Variants in NOM1 observed in about 807,000 individuals in gnomAD.
NOM1 encodes the protein nucleolar protein with MIF4G domain 1.
Under a neutral mutation model 73.3 loss-of-function variants are expected in NOM1, and 58 were observed. That is an observed-to-expected ratio of 0.79 (90% CI 0.64 to 0.99). The LOEUF is 0.99. NOM1 is among the 50% of genes least tolerant of loss of function. The probability of loss-of-function intolerance (pLI) is 0.00; values close to 1 mark genes in which losing one functional copy is unlikely to be tolerated. For missense variants in NOM1, 1,226 were observed against 1,131.9 expected, an observed-to-expected ratio of 1.08 and a Z score of -1.19; for synonymous variants, 487 against 446.8, an observed-to-expected ratio of 1.09 and a Z score of -1.14.
rs1371331286 is a variant in NOM1 at position 156,964,035 on chromosome 7, T to G, written c.2033+9T>G. The stretch of plus-strand genomic sequence containing the variant: ...TTTGAAAAGCTTCTGAAGTAAGCAT[T>G]TGTGTGCACATTTTGACCTATTAAT... On this transcript the variant is annotated intron_variant, in intron 7 of 10. Coordinates refer to ENST00000275820, the MANE Select transcript of NOM1 (RefSeq NM_138400.2). 5.6e-6 allele frequency: 9 copies of G among 1,610,382 alleles called. No individual in the cohort carries two copies. The highest frequency in any genetic ancestry group is 3.3e-4 in the Middle Eastern group (2 of 6,058).
intron 3 of NOM1, among the ~76,000 whole-genome samples, chr7:156,955,385 T>A (rs767359006): frequency 1.3e-5 from 2 of 152,198 alleles, no homozygotes; most frequent in Non-Finnish European, 2.9e-5. Context: ...GTGAGGTTGG[T>A]GAACGAATGG....
chr7:156,952,418 A>C, intron 1 of NOM1, 56 bp from the exon 2 acceptor site: 1 of 1,568,598 alleles, frequency 6.4e-7, no homozygotes, highest in South Asian at 1.2e-5. Flanking sequence ...GGCAAAGAAA[A>C]AACACAGGAT....
intron 3 of NOM1, among the ~76,000 whole-genome samples, chr7:156,959,443 T>A (rs1290696195): frequency 2.0e-5 from 3 of 151,852 alleles, no homozygotes; most frequent in Non-Finnish European, 2.9e-5. Context: ...GGTTTCACCG[T>A]GTTAGCCAGG....
At chr7:156,969,393 A>C (rs1234168298) in intron 10 of NOM1, 136 bp from the exon 11 acceptor site, 1 of 819,552 alleles carries the variant, frequency 1.2e-6, no homozygotes, top group Non-Finnish European at 1.9e-6. Context: ...TAATAATAAA[A>C]TATGTTAAGA....
In NOM1 at chr7:156,950,442, T is replaced by C. The variant is rs760194678; in HGVS notation, c.705T>C (p.Ser235=). The C allele has an allele frequency of 3.1e-6, 5 of 1,613,070 alleles. No homozygotes were observed. Among genetic ancestry groups the C allele is most frequent in the Non-Finnish European group, 4.2e-6 (5 of 1,179,784 alleles). ...SGKNSGLYDS[S]GEEEEDAGQT... is the part of the protein sequence containing the mutation. Reference sequence around the variant, plus strand: ...AAAATAGCGGCTTGTACGACAGCAGTGGTGAGGAGGAGGAAGATGCCGGAC... The same window carrying C: ...AAAATAGCGGCTTGTACGACAGCAGCGGTGAGGAGGAGGAAGATGCCGGAC... Residue 235 remains serine, a synonymous_variant, in exon 1 of 11, where the codon AGT becomes AGC. Coordinates refer to ENST00000275820, the MANE Select transcript of NOM1 (RefSeq NM_138400.2).
chr7:156,953,763 C>G (rs190363449), intron 2 of NOM1, among the ~76,000 whole-genome samples: 17 of 152,310 alleles, frequency 1.1e-4, no homozygotes, highest in African/African-American at 4.1e-4. Flanking sequence ...TCTAACAACA[C>G]GTCCTAAGGC....
At chr7:156,964,323 G>A (rs1024769968) in intron 7 of NOM1, 3 of 179,500 alleles carry the variant, frequency 1.7e-5, no homozygotes, top group East Asian at 1.3e-4. Flanking sequence ...TGGAGACTGG[G>A]GAGTTTTGAC....
At chr7:156,965,008 T>G (rs572505557) in intron 7 of NOM1, among the ~76,000 whole-genome samples, 2 of 152,282 alleles carry the variant, frequency 1.3e-5, no homozygotes, top group Non-Finnish European at 2.9e-5. Context: ...TTTCCCATTC[T>G]TATTCCTCAA....
intron 9 of NOM1, among the ~76,000 whole-genome samples, chr7:156,968,330 C>G (rs565949584): frequency 6.6e-6 from 1 of 152,146 alleles, no homozygotes; most frequent in East Asian, 1.9e-4. Flanking sequence ...AGATGCCCCC[C>G]GCCCTGCCCC....
rs750433324 is a variant in NOM1 at position 156,966,288 on chromosome 7, G to A, written c.2052G>A (p.Gln684=). The change falls in exon 8 of 11, where the codon CAG becomes CAA. Residue 684 remains glutamine (Q), a synonymous_variant. Transcript: ENST00000275820. ...EKLLKLGLKD[Q]QEREIIHVLM... Reference sequence around the variant, plus strand: ...TTTCTAGGCTTGGACTTAAGGATCAGCAGGAGAGAGAAATCATTCACGTTC... The same window carrying A: ...TTTCTAGGCTTGGACTTAAGGATCAACAGGAGAGAGAAATCATTCACGTTC... The A allele has an allele frequency of 1.2e-5, 20 of 1,614,004 alleles. 1 individual carries two copies. The South Asian group carries it at 2.2e-4, about 18-fold the overall frequency.
At chr7:156,961,204 A>T (rs1804856282) in intron 4 of NOM1, among the ~76,000 whole-genome samples, 4 of 152,130 alleles carry the variant, frequency 2.6e-5, no homozygotes, top group African/African-American at 9.7e-5. Flanking sequence ...GAGAGCTGGC[A>T]GGTGAGAAGG....
chr7:156,963,907 C>T lies in NOM1; in HGVS notation c.1914C>T (p.Val638=). The T allele has an allele frequency of 6.2e-7, 1 of 1,613,190 alleles. No individual in the cohort carries two copies. The highest frequency in any genetic ancestry group is 8.5e-7 in the Non-Finnish European group (1 of 1,179,566). The change falls in exon 7 of 11, where the codon GTC becomes GTT. Residue 638 remains valine, a splice_region_variant and synonymous_variant. Coordinates refer to ENST00000275820, the MANE Select transcript of NOM1 (RefSeq NM_138400.2). ...THLQKQLVGT[V]SSKILELARK... The stretch of plus-strand genomic sequence containing the variant: ...TTGTCCATTCATCGTGCTTCCAGGT[C>T]AGTTCAAAGATCCTAGAACTCGCCC...
chr7:156,968,404 C>T (rs1805056191), intron 9 of NOM1, among the ~76,000 whole-genome samples: 2 of 152,132 alleles, frequency 1.3e-5, no homozygotes, highest in African/African-American at 2.4e-5. Context: ...CTCGCCGCGT[C>T]CTCGGGTCCG....
intron 5 of NOM1, among the ~76,000 whole-genome samples, chr7:156,962,600 G>A (rs904313396): frequency 2.0e-5 from 3 of 152,210 alleles, no homozygotes; most frequent in African/African-American, 7.2e-5. Flanking sequence ...GATGACGTAG[G>A]TCCTTTGACT....
chr7:156,963,546 A>G (rs907606321), intron 6 of NOM1: 1 of 381,298 alleles, frequency 2.6e-6, no homozygotes, highest in Non-Finnish European at 4.9e-6. Flanking sequence ...CCCATTTTTC[A>G]TCCAGACTTC....
rs1016863571 is a variant in NOM1, at chr7:156,950,610, G to T, written c.873G>T (p.Gln291His). ...ACGACGAGGATACAGAAGAGGAACA[G>T]GGGGAAGAAAAGGAAAAGGGAGCGC... ...EDDDEDTEEE[Q>H]GEEKEKGAQE... Residue 291 changes from glutamine (Q) to histidine (H), a missense_variant, in exon 1 of 11, where the codon CAG (glutamine) becomes CAT (histidine). Coordinates refer to ENST00000275820, the MANE Select transcript of NOM1 (RefSeq NM_138400.2). 6.4e-7 allele frequency: 1 copy of T among 1,571,500 alleles called. No homozygotes were observed. Among genetic ancestry groups the T allele is most frequent in the East Asian group, 2.4e-5 (1 of 42,036 alleles).
intron 1 of NOM1, 65 bp from the exon 2 acceptor site, chr7:156,952,409 G>A: frequency 6.5e-7 from 1 of 1,544,358 alleles, no homozygotes; most frequent in Non-Finnish European, 8.8e-7. Flanking sequence ...TACACATATG[G>A]CAAAGAAAAA....
intron 9 of NOM1, among the ~76,000 whole-genome samples, chr7:156,967,566 C>G (rs961694255): frequency 6.6e-6 from 1 of 152,176 alleles, no homozygotes; most frequent in African/African-American, 2.4e-5. Context: ...GGGAGTTGCT[C>G]TGTCACCCAG....
Position 156,972,430 on chromosome 7 carries a change from A to C in NOM1, c.*2727A>C, listed in dbSNP as rs1290682073. ...AACAATCCCATTTTTATATTTTATT[A>C]TTAAAACAAAAATACCTCTCTTTGC... On this transcript the variant is annotated 3_prime_UTR_variant, in exon 11 of 11. Coordinates refer to ENST00000275820, the MANE Select transcript of NOM1 (RefSeq NM_138400.2). 6.7e-6 allele frequency: 1 copy of C among 149,716 alleles called. No individual in the cohort carries two copies. The highest frequency in any genetic ancestry group is 1.5e-5 in the Non-Finnish European group (1 of 67,496). The allele number at this position is 149,716 out of a possible 1,614,324, so 9.3% of individuals were successfully genotyped here. A position where few individuals can be genotyped will look rare whatever the true frequency, so the allele number is the denominator to read the frequency against.
Sources: allele counts gnomAD v4.1 joint callset (sites outside exome capture counted in the v4.1 genomes callset), GRCh38; gene constraint gnomAD v4.1.1; transcripts MANE v1.5; gene names NCBI Gene and HGNC (gene_info 2026-07-23, HGNC 2026-07-21).